Variants in LIMS2 observed in about 807,000 individuals in gnomAD.
LIMS2 encodes the protein LIM zinc finger domain containing 2.
LIMS2 carries 30 observed loss-of-function variants against 45.3 expected under a neutral mutation model. The ratio of observed to expected loss-of-function variants is 0.66; its 90% CI spans 0.50 to 0.90. The LOEUF (loss-of-function observed/expected upper bound fraction) is 0.90. Ranked by LOEUF, LIMS2 falls within the 40% of genes least tolerant of loss-of-function variation. The pLI is 0.00. For missense variants in LIMS2, 485 were observed against 468.7 expected, an observed-to-expected ratio of 1.03 and a Z score of -0.32; for synonymous variants, 173 against 188.0, an observed-to-expected ratio of 0.92 and a Z score of 0.65.
chr2:127,657,922 C>A (rs1573819821), intron 1 of LIMS2, among the ~76,000 whole-genome samples: 1 of 152,234 alleles, frequency 6.6e-6, no homozygotes, highest in Admixed American at 6.5e-5. Context: ...AGAAAAGGGA[C>A]CTAAGCCTCA....
Position 127,672,563 on chromosome 2 carries a change from G to C in LIMS2, c.11+2451C>G, listed in dbSNP as rs1269311633. ...CCCACCCTCTGTGGCCCACCTCACA[G>C]CCAGTCAGTTGGGTCCTGTCCACTC... On this transcript the variant is annotated intron_variant, in intron 1 of 9. Transcript: ENST00000355119. The surrounding 1 kb of genome is among the most constrained non-coding windows in gnomAD (Gnocchi z 4.9). Among the ~76,000 whole-genome samples, 1 of 152,188 alleles carries C rather than the reference G, an allele frequency of 6.6e-6. No homozygotes were observed. Among genetic ancestry groups the C allele is most frequent in the East Asian group, 1.9e-4 (1 of 5,194 alleles).
chr2:127,673,581 G>A (rs1558904447), intron 1 of LIMS2: 1 of 1,252,378 alleles, frequency 8.0e-7, no homozygotes. Context: ...CCAGGGAGCA[G>A]TGGCACCTCG....
At chr2:127,669,705 G>A (rs144360248) in intron 1 of LIMS2, among the ~76,000 whole-genome samples, 18 of 149,990 alleles carry the variant, frequency 1.2e-4, no homozygotes, top group Admixed American at 7.3e-4. Flanking sequence ...GCGACACAGT[G>A]AGACTCCATC....
upstream of LIMS2, among the ~76,000 whole-genome samples, chr2:127,676,515 G>A (rs1176217756): frequency 6.7e-6 from 1 of 149,254 alleles, no homozygotes. Flanking sequence ...AGGTTCAAGC[G>A]ATTCTCCTGC....
In LIMS2 at chr2:127,655,021, G is replaced by A. The variant is rs768347352; in HGVS notation, c.172-125C>T. 7 of 899,636 alleles carry A rather than the reference G, an allele frequency of 7.8e-6. No homozygotes were observed. In the African/African-American group the frequency reaches 1.2e-4, roughly 15 times the overall value. 55.7% of individuals were successfully genotyped at this position (899,636 alleles called of 1,614,324 possible). ...CACTGAGGCAGGGGCATGCCGGGCT[G>A]AGGCTGGAGCAGTGGGTCCCAGGCC... is the stretch of plus-strand genomic sequence containing the variant. On this transcript the variant is annotated intron_variant, in intron 2 of 9. Transcript: ENST00000355119.
At chr2:127,654,624 G>T (rs1188537603) in intron 3 of LIMS2, 80 bp from the exon 4 acceptor site, 2 of 1,593,934 alleles carry the variant, frequency 1.3e-6, no homozygotes, top group African/African-American at 2.7e-5. Context: ...TGTCCACCTA[G>T]CACTCCGCCT....
chr2:127,673,811 C>T (rs1461603731), intron 1 of LIMS2: 8 of 1,432,338 alleles, frequency 5.6e-6, no homozygotes, highest in African/African-American at 2.8e-5. Context: ...GAGGCAGCCC[C>T]GCTAGAACCC....
intron 1 of LIMS2, among the ~76,000 whole-genome samples, chr2:127,666,388 C>CA (rs763359830): frequency 9.2e-5 from 13 of 141,972 alleles, no homozygotes; most frequent in Admixed American, 5.6e-4. Context: ...GGTAAACAAA[C>CA]AAACAAACAC....
At position 127,640,098 on chromosome 2, in the gene LIMS2, A is replaced by T. The variant is rs766223427; in HGVS notation, c.850T>A (p.Ser284Thr). 1 of 1,613,468 alleles carries T rather than the reference A, an allele frequency of 6.2e-7. No individual in the cohort carries two copies. Among genetic ancestry groups the T allele is most frequent in the Non-Finnish European group, 8.5e-7 (1 of 1,179,990 alleles). The change falls in exon 9 of 10, where the codon TCC becomes ACC. Residue 284 changes from serine to threonine, a missense_variant. Coordinates refer to ENST00000355119, the MANE Select transcript of LIMS2 (RefSeq NM_001161403.3). ...KAWCVSCFSCSTCNSKLTLKN... is the reference protein window; with the variant it reads ...KAWCVSCFSCTTCNSKLTLKN... ...AGGGTGAGCTTGCTGTTGCAGGTGG[A>T]GCAGGAGAAGCAGCTCACACACCAG... is the stretch of plus-strand genomic sequence containing the variant.
intron 4 of LIMS2, among the ~76,000 whole-genome samples, chr2:127,645,711 C>T (rs368742067): frequency 6.6e-6 from 1 of 152,264 alleles, no homozygotes; most frequent in Non-Finnish European, 1.5e-5. Context: ...CTCAAAGAGT[C>T]GCCTCTCACT....
At chr2:127,655,003 G>A (rs916092377) in intron 2 of LIMS2, 107 bp from the exon 3 acceptor site, 10 of 1,016,980 alleles carry the variant, frequency 9.8e-6, no homozygotes, top group Non-Finnish European at 1.5e-5. Context: ...AGGCACTGAG[G>A]CAGGGGCATG....
chr2:127,649,434 G>T (rs981197365), intron 4 of LIMS2, among the ~76,000 whole-genome samples: 1 of 152,234 alleles, frequency 6.6e-6, no homozygotes, highest in Non-Finnish European at 1.5e-5. Flanking sequence ...GGTGGATACT[G>T]GGAAGCCAGG....
chr2:127,650,535 A>AT (rs1474525291), intron 4 of LIMS2: 10 of 588,294 alleles, frequency 1.7e-5, no homozygotes, highest in Non-Finnish European at 3.0e-5. Flanking sequence ...GAAGTTCAGA[A>AT]TGCCTCTGAC....
intron 4 of LIMS2, chr2:127,650,017 C>T (rs1683560587): frequency 6.2e-7 from 1 of 1,608,292 alleles, no homozygotes; most frequent in Non-Finnish European, 8.5e-7. Flanking sequence ...TCAGGATGTC[C>T]AAACGGAGTT....
chr2:127,642,978 G>A lies in LIMS2; in HGVS notation c.454C>T (p.Leu152Phe), dbSNP rs1573757070. 1 of 1,573,116 alleles carries A rather than the reference G, an allele frequency of 6.4e-7. No individual in the cohort carries two copies. Among genetic ancestry groups the A allele is most frequent in the Non-Finnish European group, 8.6e-7 (1 of 1,159,246 alleles). ...TGGTAGGCGTCGCTCCTGAACATGA[G>A]GGGCTGCTCGTCGATGACCAGGTGG... Reference protein sequence around the residue: ...RCHLVIDEQPLMFRSDAYHPD... With the variant: ...RCHLVIDEQPFMFRSDAYHPD... Residue 152 changes from leucine (L) to phenylalanine (F), a missense_variant, in exon 5 of 10, where the codon CTC (leucine) becomes TTC (phenylalanine). By Grantham distance (22) the Leu-to-Phe change is conservative (BLOSUM62 0). Coordinates refer to ENST00000355119, the MANE Select transcript of LIMS2 (RefSeq NM_001161403.3). The surrounding 1 kb of genome is among the most constrained non-coding windows in gnomAD (Gnocchi z 5.3).
rs919227597 is a variant in LIMS2 at position 127,667,808 on chromosome 2, A to G, written c.11+7206T>C. Among the ~76,000 whole-genome samples the G allele has an allele frequency of 2.6e-5, 4 of 152,232 alleles. No homozygotes were observed. Among genetic ancestry groups the G allele is most frequent in the African/African-American group, 7.2e-5 (3 of 41,458 alleles). On this transcript the variant is annotated intron_variant, in intron 1 of 9. Transcript: ENST00000355119. The surrounding 1 kb of genome is among the most constrained non-coding windows in gnomAD (Gnocchi z 4.1). ...ATTTCCAGTCCGCTATTTGTTTTCAACATTGCACTGCAGATTCTATCAAGG... is the reference window on the plus strand; with the variant it reads ...ATTTCCAGTCCGCTATTTGTTTTCAGCATTGCACTGCAGATTCTATCAAGG...
intron 9 of LIMS2, 39 bp from the exon 10 acceptor site, chr2:127,639,467 CA>C (rs1558865006): frequency 6.2e-7 from 1 of 1,608,510 alleles, no homozygotes; most frequent in Admixed American, 1.7e-5. Context: ...GCCCCACGCC[CA>C]CCCCTTTAAC....
At chr2:127,657,085 G>A (rs1363942004) in intron 2 of LIMS2, among the ~76,000 whole-genome samples, 4 of 152,146 alleles carry the variant, frequency 2.6e-5, no homozygotes, top group East Asian at 1.9e-4. Flanking sequence ...TGGGCCATGC[G>A]GTTGCTGTGC....
At chr2:127,676,245 G>A (rs1685495709), upstream of LIMS2, among the ~76,000 whole-genome samples, 3 of 152,212 alleles carry the variant, frequency 2.0e-5, no homozygotes, top group Non-Finnish European at 4.4e-5. Context: ...AGCAGAGAAA[G>A]ATGATCTAGA....
Sources: allele counts gnomAD v4.1 joint callset (sites outside exome capture counted in the v4.1 genomes callset), GRCh38; gene constraint gnomAD v4.1.1; non-coding constraint Gnocchi (gnomAD v3.1); transcripts MANE v1.5; gene names NCBI Gene and HGNC (gene_info 2026-07-23, HGNC 2026-07-21).